The following ADAM10 variants were observed in gnomAD, a reference collection of about 807,000 sequenced individuals.
ADAM10 encodes the protein disintegrin and metalloproteinase domain-containing protein 10.
A neutral mutation model predicts 90.1 loss-of-function variants in ADAM10; 17 were observed. The ratio of observed to expected loss-of-function variants is 0.19; its 90% CI spans 0.13 to 0.28. The LOEUF is 0.28. Ranked by LOEUF, ADAM10 falls within the 10% of genes least tolerant of loss-of-function variation. The pLI, the probability that ADAM10 is intolerant of heterozygous loss-of-function variation, is 1.00. For synonymous variants in ADAM10, 310 were observed against 298.6 expected, an observed-to-expected ratio of 1.04 and a Z score of -0.40; for missense variants, 610 against 914.3, an observed-to-expected ratio of 0.67 and a Z score of 4.29.
At chr15:58,675,433 T>C (rs528650100) in intron 4 of ADAM10, among the ~76,000 whole-genome samples, 7 of 152,354 alleles carry the variant, frequency 4.6e-5, no homozygotes, top group East Asian at 3.9e-4. Context: ...AGCAGTCATA[T>C]AGTCAGATAT....
intron 1 of ADAM10, chr15:58,748,350 C>T (rs1274607121): frequency 6.6e-6 from 1 of 152,182 alleles, no homozygotes; most frequent in African/African-American, 2.4e-5. Flanking sequence ...AGACACTCAT[C>T]CAAAGCATTC....
chr15:58,668,637 T>G (rs1221790147), intron 4 of ADAM10, among the ~76,000 whole-genome samples: 2 of 152,134 alleles, frequency 1.3e-5, no homozygotes, highest in Non-Finnish European at 2.9e-5. Flanking sequence ...GCTCCCTCAC[T>G]GAGGTAGTAT....
At chr15:58,603,091 C>A (rs1009937087) in intron 14 of ADAM10, among the ~76,000 whole-genome samples, 2 of 152,072 alleles carry the variant, frequency 1.3e-5, no homozygotes, top group African/African-American at 4.8e-5. Flanking sequence ...TTGAGACTGC[C>A]AGATTTTTTT....
intron 2 of ADAM10, among the ~76,000 whole-genome samples, chr15:58,703,467 T>C (rs1898189015): frequency 6.6e-6 from 1 of 152,102 alleles, no homozygotes; most frequent in African/African-American, 2.4e-5. Context: ...GATGAATAGG[T>C]TTTTTTAAAG....
Position 58,611,919 on chromosome 15 carries a change from T to A in ADAM10, c.1584A>T (p.Ser528=). The A allele has an allele frequency of 1.2e-6, 2 of 1,614,204 alleles. No homozygotes were observed. The highest frequency in any genetic ancestry group is 1.7e-6 in the Non-Finnish European group (2 of 1,180,024). Residue 528 remains serine, a synonymous_variant, in exon 12 of 16, where the codon TCA becomes TCT. Transcript: ENST00000260408. ...KSKSEKCRDD[S]DCAREGICNG... is the part of the protein sequence containing the mutation. ...TACATATTCCTTCCCTTGCACAGTC[T>A]GAATCATCCCGACACTTCTCAGACT...
At chr15:58,685,549 T>A (rs1386874195) in intron 2 of ADAM10, among the ~76,000 whole-genome samples, 2 of 28,730 alleles carry the variant, frequency 7.0e-5, no homozygotes, top group South Asian at 1.5e-3. Flanking sequence ...AAGGAGAATA[T>A]ATATATATAT....
chr15:58,731,109 A>G (rs1899221666), intron 1 of ADAM10, among the ~76,000 whole-genome samples: 1 of 152,150 alleles, frequency 6.6e-6, no homozygotes, highest in Non-Finnish European at 1.5e-5. Context: ...CTCTCTGGAA[A>G]ACCCTCACTG....
At position 58,701,790 on chromosome 15, in the gene ADAM10, A is replaced by T. The variant is rs181469269; in HGVS notation, c.206+15787T>A. Among the ~76,000 whole-genome samples the T allele has an allele frequency of 4.0e-3, 609 of 152,272 alleles. 6 individuals carry two copies. Among genetic ancestry groups the T allele is most frequent in the African/African-American group, 0.013 (559 of 41,538 alleles). On this transcript the variant is annotated intron_variant, in intron 2 of 15. Coordinates refer to ENST00000260408, the MANE Select transcript of ADAM10 (RefSeq NM_001110.4). ...AAAATGTAGCATATATACACAATGGAGTACAATTTGACTATTAAAAATAAT... is the reference window on the plus strand; with the variant it reads ...AAAATGTAGCATATATACACAATGGTGTACAATTTGACTATTAAAAATAAT...
intron 8 of ADAM10, among the ~76,000 whole-genome samples, chr15:58,637,541 A>G (rs1896293233): frequency 1.3e-5 from 2 of 152,360 alleles, no homozygotes; most frequent in South Asian, 2.1e-4. Context: ...ACCCAAAATT[A>G]TATCAAAATA....
At position 58,590,598 on chromosome 15, in the gene ADAM10, A is replaced by G. The variant is rs182976103; in HGVS notation, c.*6949T>C. On this transcript the variant is annotated 3_prime_UTR_variant, in exon 16 of 16. Transcript: ENST00000260408. ...ACTTCACTTAATTACAGATGCTACT[A>G]GCAGATACTTAAGAAAAATGAAAAC... 6 of 152,248 alleles carry G rather than the reference A, an allele frequency of 3.9e-5. No individual in the cohort carries two copies. The highest frequency in any genetic ancestry group is 5.9e-5 in the Non-Finnish European group (4 of 68,044). 9.4% of individuals were successfully genotyped at this position (152,248 alleles called of 1,614,324 possible). A position where few individuals can be genotyped will look rare whatever the true frequency, so the allele number is the denominator to read the frequency against.
intron 8 of ADAM10, among the ~76,000 whole-genome samples, chr15:58,637,330 G>A (rs1337830999): frequency 2.0e-5 from 3 of 152,124 alleles, no homozygotes; most frequent in East Asian, 1.9e-4. Flanking sequence ...CGACCAAGCC[G>A]AACTGAGACT....
At chr15:58,602,875 G>T (rs1276430030) in intron 14 of ADAM10, among the ~76,000 whole-genome samples, 1 of 152,116 alleles carries the variant, frequency 6.6e-6, no homozygotes, top group African/African-American at 2.4e-5. Context: ...AAGGTAAGGT[G>T]GAATGCAATT....
chr15:58,717,851 T>C, intron 1 of ADAM10, 124 bp from the exon 2 acceptor site: 2 of 1,361,726 alleles, frequency 1.5e-6, no homozygotes, highest in Non-Finnish European at 2.0e-6. Flanking sequence ...AGCACTATTA[T>C]GAATTCTGCA....
At chr15:58,635,815 A>C (rs1896235705) in intron 8 of ADAM10, among the ~76,000 whole-genome samples, 2 of 151,958 alleles carry the variant, frequency 1.3e-5, no homozygotes, top group Admixed American at 6.6e-5. Flanking sequence ...GTAAATAGGC[A>C]TATTTTTAAA....
At chr15:58,699,660 A>C (rs995151522) in intron 2 of ADAM10, among the ~76,000 whole-genome samples, 1 of 151,978 alleles carries the variant, frequency 6.6e-6, no homozygotes, top group Non-Finnish European at 1.5e-5. Context: ...TTTAGTCCCA[A>C]CTATGAAGGG....
At chr15:58,606,593 A>G (rs1895280823) in intron 14 of ADAM10, among the ~76,000 whole-genome samples, 1 of 152,222 alleles carries the variant, frequency 6.6e-6, no homozygotes, top group African/African-American at 2.4e-5. Flanking sequence ...GGTCTGTTCC[A>G]CAAAGCAATG....
At chr15:58,640,702 G>C (rs1436532993) in intron 8 of ADAM10, 75 bp downstream of exon 8, 25 of 1,416,664 alleles carry the variant, frequency 1.8e-5, no homozygotes, top group Non-Finnish European at 2.3e-5. Context: ...CCTATACTTT[G>C]AAAATTCAAC....
chr15:58,610,272 C>T (rs528456359), intron 14 of ADAM10, 25 bp downstream of exon 14: 1 of 1,602,900 alleles, frequency 6.2e-7, no homozygotes, highest in South Asian at 1.1e-5. Flanking sequence ...TTTAAGTTTT[C>T]TTTGTAAATA....
At chr15:58,637,321 G>A (rs556768894) in intron 8 of ADAM10, among the ~76,000 whole-genome samples, 239 of 152,222 alleles carry the variant, frequency 1.6e-3, no homozygotes, top group Middle Eastern at 3.4e-3. Context: ...CTCATTCAAC[G>A]ACCAAGCCGA....
Sources: gnomAD v4.1 joint callset for allele counts (sites outside exome capture counted in the v4.1 genomes callset) on GRCh38, gnomAD v4.1.1 for gene constraint, MANE v1.5 for transcripts, NCBI Gene and HGNC (gene_info 2026-07-23, HGNC 2026-07-21) for gene names.